SLC15A1: variants seen among roughly 807,000 people sequenced by gnomAD.
SLC15A1 encodes solute carrier family 15 member 1.
In SLC15A1, 83 loss-of-function variants were observed where a neutral mutation model predicts 92.9. The ratio of observed to expected loss-of-function variants is 0.89; its 90% CI spans 0.75 to 1.07. The LOEUF is 1.07. Among genes scored for constraint, SLC15A1 ranks in the 50% least tolerant of loss-of-function variants. SLC15A1 has a pLI of 0.00. For synonymous variants in SLC15A1, 322 were observed against 318.2 expected (o/e 1.01, Z -0.13); for missense variants, 857 against 880.1 (o/e 0.97, Z 0.33).
intron 20 of SLC15A1, among the ~76,000 whole-genome samples, chr13:98,688,033 T>G (rs187907334): frequency 2.8e-4 from 42 of 152,332 alleles, no homozygotes; most frequent in Admixed American, 2.3e-3. Context: ...TTGGTTAACA[T>G]AAATTATTAT....
intron 1 of SLC15A1, among the ~76,000 whole-genome samples, chr13:98,751,542 A>G (rs1444153030): frequency 1.3e-5 from 2 of 152,238 alleles, no homozygotes; most frequent in African/African-American, 4.8e-5. Context: ...CTGCCTGCAG[A>G]GCTGAGCTCG....
At chr13:98,737,398 C>CCTA (rs2088403484) in intron 1 of SLC15A1, among the ~76,000 whole-genome samples, 1 of 152,050 alleles carries the variant, frequency 6.6e-6, no homozygotes, top group African/African-American at 2.4e-5. Context: ...ATGTAAATGA[C>CCTA]GGGTTAATGG....
At chr13:98,704,191 T>C (rs1005698929) in intron 17 of SLC15A1, 98 bp downstream of exon 17, 2 of 1,122,132 alleles carry the variant, frequency 1.8e-6, no homozygotes, top group African/African-American at 3.2e-5. Context: ...TGATCTAATA[T>C]AACACTATAT....
rs1014648859 is a variant in SLC15A1, at chr13:98,684,421, G to C, written c.*303C>G. 1.4e-5 allele frequency: 3 copies of C among 218,186 alleles called. No homozygotes were observed. Among genetic ancestry groups the C allele is most frequent in the African/African-American group, 2.3e-5 (1 of 43,508 alleles). 13.5% of individuals were successfully genotyped at this position (218,186 alleles called of 1,614,324 possible). On this transcript the variant is annotated 3_prime_UTR_variant, in exon 23 of 23. Coordinates refer to ENST00000376503, the MANE Select transcript of SLC15A1 (RefSeq NM_005073.4). Reference sequence around the variant, plus strand: ...ATAGCTGGGCGTGGTGGTGCATGCCGCTAATCCCAGCCACTCGGGAGGCTG... The same window carrying C: ...ATAGCTGGGCGTGGTGGTGCATGCCCCTAATCCCAGCCACTCGGGAGGCTG...
In SLC15A1 at chr13:98,719,307, T is replaced by C. The variant is rs767537199; in HGVS notation, c.570A>G (p.Gly190=). 1.9e-6 allele frequency: 3 copies of C among 1,613,436 alleles called. No individual in the cohort carries two copies. The highest frequency in any genetic ancestry group is 2.2e-5 in the East Asian group (1 of 44,874). ...ITPMLRVQQC[G]IHSKQACYPL... ...GGTAACAAGCTTGTTTACTGTGAATTCCACATTGTTGAACTGGGGAGAAAT... is the reference window on the plus strand; with the variant it reads ...GGTAACAAGCTTGTTTACTGTGAATCCCACATTGTTGAACTGGGGAGAAAT... The change falls in exon 8 of 23, where the codon GGA becomes GGG. Residue 190 remains glycine, a synonymous_variant. Transcript: ENST00000376503.
intron 18 of SLC15A1, among the ~76,000 whole-genome samples, chr13:98,693,923 G>A (rs2088002305): frequency 6.6e-6 from 1 of 152,156 alleles, no homozygotes; most frequent in Admixed American, 6.5e-5. Context: ...ACAACCCTGT[G>A]TCACAGTCTC....
At chr13:98,711,826 G>C in intron 11 of SLC15A1, 28 bp downstream of exon 11, 12 of 1,548,846 alleles carry the variant, frequency 7.7e-6, no homozygotes, top group Non-Finnish European at 1.1e-5. Context: ...GCTCCGTGAA[G>C]AAGAGCACAA....
At chr13:98,687,907 G>A (rs1270195115) in intron 20 of SLC15A1, among the ~76,000 whole-genome samples, 183 bp from the exon 21 acceptor site, 2 of 152,306 alleles carry the variant, frequency 1.3e-5, no homozygotes, top group East Asian at 3.9e-4. Context: ...ACACGTTCAG[G>A]AGGATTTTTC....
At chr13:98,712,105 A>G (rs960524073) in intron 10 of SLC15A1, among the ~76,000 whole-genome samples, 162 bp from the exon 11 acceptor site, 2 of 152,204 alleles carry the variant, frequency 1.3e-5, no homozygotes, top group Non-Finnish European at 2.9e-5. Flanking sequence ...TTTCTTTAGA[A>G]AATCGAAAAT....
intron 3 of SLC15A1, 40 bp downstream of exon 3, chr13:98,726,328 C>T (rs374353029): frequency 2.8e-5 from 45 of 1,613,738 alleles, no homozygotes; most frequent in South Asian, 4.4e-5. Context: ...TGGCCACTCC[C>T]GCTCTTCCCT....
chr13:98,712,836 T>C (rs954070361), intron 9 of SLC15A1, among the ~76,000 whole-genome samples: 3 of 152,182 alleles, frequency 2.0e-5, no homozygotes, highest in Admixed American at 1.3e-4. Context: ...GCACGCCCAA[T>C]AGAAATACAA....
intron 9 of SLC15A1, among the ~76,000 whole-genome samples, chr13:98,714,653 C>CA (rs11378347): frequency 0.76 from 71,748 of 94,274 alleles, 28,162 homozygotes; most frequent in East Asian, 0.9. Flanking sequence ...GACTCCATCT[C>CA]AAAAAAAAAA....
chr13:98,721,771 T>G, intron 6 of SLC15A1, 33 bp downstream of exon 6: 1 of 1,590,538 alleles, frequency 6.3e-7, no homozygotes, highest in African/African-American at 1.3e-5. Context: ...TGTAGTTCAT[T>G]CACGTGGGCT....
intron 1 of SLC15A1, among the ~76,000 whole-genome samples, chr13:98,744,566 T>C (rs2088476999): frequency 6.6e-6 from 1 of 151,140 alleles, no homozygotes; most frequent in Non-Finnish European, 1.5e-5. Flanking sequence ...CTGGCCAAGG[T>C]AGCAAAACCC....
chr13:98,699,872 C>G (rs1212552786), intron 18 of SLC15A1, among the ~76,000 whole-genome samples: 3 of 152,108 alleles, frequency 2.0e-5, no homozygotes, highest in Admixed American at 6.6e-5. Flanking sequence ...AAGACCAATG[C>G]TATTGTTCAT....
intron 1 of SLC15A1, among the ~76,000 whole-genome samples, chr13:98,751,357 G>A (rs3782993): frequency 0.067 from 10,133 of 152,222 alleles, 602 homozygotes; most frequent in East Asian, 0.32. Context: ...TCTCGGGATT[G>A]GATCTGCTGG....
intron 1 of SLC15A1, among the ~76,000 whole-genome samples, chr13:98,744,920 A>G (rs1304909937): frequency 2.0e-5 from 3 of 152,212 alleles, no homozygotes; most frequent in African/African-American, 4.8e-5. Context: ...ATATTCTCTA[A>G]CAATTCTCCA....
chr13:98,740,061 A>T (rs2088430987), intron 1 of SLC15A1, among the ~76,000 whole-genome samples: 1 of 152,182 alleles, frequency 6.6e-6, no homozygotes, highest in Non-Finnish European at 1.5e-5. Context: ...GACCATGGGG[A>T]TGAGGATGGT....
chr13:98,686,377 C>T (rs2087929766), intron 21 of SLC15A1, 80 bp from the exon 22 acceptor site: 3 of 935,830 alleles, frequency 3.2e-6, no homozygotes, highest in South Asian at 1.4e-5. Flanking sequence ...ATGGGCGTTT[C>T]GTGAAGCAGA....
Sources: allele counts gnomAD v4.1 joint callset (sites outside exome capture counted in the v4.1 genomes callset), GRCh38; gene constraint gnomAD v4.1.1; transcripts MANE v1.5; gene names NCBI Gene and HGNC (gene_info 2026-07-23, HGNC 2026-07-21).